RMND5A: variants seen among roughly 807,000 people sequenced by gnomAD.
RMND5A encodes E3 ubiquitin-protein transferase RMND5A.
A neutral mutation model predicts 49.7 loss-of-function variants in RMND5A; 17 were observed. That is an observed-to-expected ratio of 0.34 (90% confidence interval 0.23 to 0.51). RMND5A has a LOEUF of 0.51. Among genes scored for constraint, RMND5A ranks in the 20% least tolerant of loss-of-function variants. The pLI is 0.96. For synonymous variants in RMND5A, 156 were observed against 167.7 expected (o/e 0.93, Z 0.54); for missense variants, 255 against 471.3 (o/e 0.54, Z 4.25).
chr2:86,762,701 ATATATATCATATATATCATATAT>A (rs1672522180), intron 4 of RMND5A, among the ~76,000 whole-genome samples: 1 of 5,504 alleles, frequency 1.8e-4, no homozygotes, highest in African/African-American at 7.5e-4. Context: ...CATATATATC[ATATATATCATATATATCATATAT>A]ATCATATATA....
intron 2 of RMND5A, among the ~76,000 whole-genome samples, chr2:86,747,100 C>G (rs1231761577): frequency 6.6e-6 from 1 of 152,080 alleles, no homozygotes; most frequent in African/African-American, 2.4e-5. Context: ...AAAATTTTCC[C>G]CTGAAGGGTT....
Position 86,773,460 on chromosome 2 carries a change from C to A in RMND5A, c.*49C>A. The A allele has an allele frequency of 8.3e-7, 1 of 1,199,528 alleles. No individual in the cohort carries two copies. Among genetic ancestry groups the A allele is most frequent in the Non-Finnish European group, 1.2e-6 (1 of 803,260 alleles). 74.3% of individuals were successfully genotyped at this position (1,199,528 alleles called of 1,614,324 possible). A position where few individuals can be genotyped will look rare whatever the true frequency, so the allele number is the denominator to read the frequency against. ...TGTAAGTGAAACTGAATCGTGGGTGCATTTCAGAAGAGAACGTTCCATATA... is the reference window on the plus strand; with the variant it reads ...TGTAAGTGAAACTGAATCGTGGGTGAATTTCAGAAGAGAACGTTCCATATA... On this transcript the variant is annotated 3_prime_UTR_variant, in exon 9 of 9. Transcript: ENST00000283632.
chr2:86,769,323 A>G (rs1328347484), intron 6 of RMND5A, among the ~76,000 whole-genome samples: 1 of 152,210 alleles, frequency 6.6e-6, no homozygotes, highest in Non-Finnish European at 1.5e-5. Context: ...GTAAATCAGC[A>G]CCATCTGCAG....
At chr2:86,742,328 C>T (rs1558720207) in intron 2 of RMND5A, among the ~76,000 whole-genome samples, 3 of 151,948 alleles carry the variant, frequency 2.0e-5, no homozygotes, top group Admixed American at 6.6e-5. Context: ...GAGATTGTGA[C>T]TGGGGAGATT....
At chr2:86,743,618 C>T (rs1217704737) in intron 2 of RMND5A, among the ~76,000 whole-genome samples, 1 of 151,926 alleles carries the variant, frequency 6.6e-6, no homozygotes, top group African/African-American at 2.4e-5. Context: ...AAAATTGTTT[C>T]ATGTTCCTGT....
At chr2:86,743,202 A>G (rs1329388686) in intron 2 of RMND5A, among the ~76,000 whole-genome samples, 1 of 152,120 alleles carries the variant, frequency 6.6e-6, no homozygotes, top group Non-Finnish European at 1.5e-5. Context: ...CATTATCTGG[A>G]TGTACTTGGT....
intron 3 of RMND5A, among the ~76,000 whole-genome samples, chr2:86,753,095 G>A (rs1169747356): frequency 6.6e-6 from 1 of 152,174 alleles, no homozygotes; most frequent in Non-Finnish European, 1.5e-5. Flanking sequence ...TTAGCACCTT[G>A]TACCTCTGTT....
intron 6 of RMND5A, 145 bp downstream of exon 6, chr2:86,766,169 T>C: frequency 4.1e-6 from 3 of 730,366 alleles, no homozygotes; most frequent in South Asian, 3.6e-5. Flanking sequence ...GATATCACAA[T>C]TGGCAGTGAT....
At chr2:86,753,282 G>T (rs1345769543) in intron 3 of RMND5A, among the ~76,000 whole-genome samples, 176 bp from the exon 4 acceptor site, 1 of 152,086 alleles carries the variant, frequency 6.6e-6, no homozygotes, top group African/African-American at 2.4e-5. Flanking sequence ...TGAAATTTGG[G>T]GATTCTACTA....
At chr2:86,758,962 C>G (rs1039103113) in intron 4 of RMND5A, among the ~76,000 whole-genome samples, 1 of 152,054 alleles carries the variant, frequency 6.6e-6, no homozygotes, top group South Asian at 2.1e-4. Context: ...TCATTCATTC[C>G]CCTGAACTTC....
chr2:86,771,497 A>T, intron 7 of RMND5A, 61 bp from the exon 8 acceptor site: 1 of 1,457,720 alleles, frequency 6.9e-7, no homozygotes. Context: ...GTATATTACC[A>T]TGTGGATGGT....
At chr2:86,762,671 TATATATATCATATATATATC>T (rs1174516127) in intron 4 of RMND5A, among the ~76,000 whole-genome samples, 7 of 135,808 alleles carry the variant, frequency 5.2e-5, no homozygotes, top group South Asian at 2.3e-4. Flanking sequence ...TTTTTATATA[TATATATATCATATATATATC>T]ATATATATCA....
intron 4 of RMND5A, among the ~76,000 whole-genome samples, chr2:86,760,620 G>A (rs1278071719): frequency 6.6e-6 from 1 of 152,164 alleles, no homozygotes; most frequent in East Asian, 1.9e-4. Flanking sequence ...TTACTCTCAG[G>A]CAACAGCTGT....
At chr2:86,767,949 A>G (rs1466892650) in intron 6 of RMND5A, among the ~76,000 whole-genome samples, 2 of 152,212 alleles carry the variant, frequency 1.3e-5, no homozygotes, top group African/African-American at 4.8e-5. Context: ...AGTAAACTAT[A>G]AGAATCCAGC....
chr2:86,745,577 T>C (rs1160333017), intron 2 of RMND5A, among the ~76,000 whole-genome samples: 3 of 152,096 alleles, frequency 2.0e-5, no homozygotes, highest in South Asian at 2.1e-4. Flanking sequence ...GAAAGGTAAA[T>C]GATGGAAGGC....
At chr2:86,747,169 C>T (rs184705893) in intron 2 of RMND5A, among the ~76,000 whole-genome samples, 1 of 152,306 alleles carries the variant, frequency 6.6e-6, no homozygotes, top group East Asian at 1.9e-4. Flanking sequence ...TCATTTCTCA[C>T]CTATACCTGG....
intron 2 of RMND5A, among the ~76,000 whole-genome samples, chr2:86,747,619 G>A (rs769794012): frequency 6.6e-6 from 1 of 152,152 alleles, no homozygotes; most frequent in Non-Finnish European, 1.5e-5. Flanking sequence ...AGATGGAGAA[G>A]TTTCAAAATA....
At chr2:86,772,958 T>C (rs569383158) in intron 8 of RMND5A, among the ~76,000 whole-genome samples, 2 of 152,324 alleles carry the variant, frequency 1.3e-5, no homozygotes, top group Non-Finnish European at 2.9e-5. Flanking sequence ...TGTGGGCTTG[T>C]AGCTGCCATC....
Position 86,751,988 on chromosome 2 carries a change from C to A in RMND5A, c.378C>A (p.Phe126Leu). Residue 126 changes from phenylalanine (F) to leucine (L), a missense_variant, in exon 3 of 9, where the codon TTC becomes TTA. Around this residue, in one of 3 missense-constraint regions of RMND5A, gnomAD observed 208 missense variants for 339.8 expected, o/e 0.61. Coordinates refer to ENST00000283632, the MANE Select transcript of RMND5A (RefSeq NM_022780.4). ...TCAATGAGGTGATGGTGGAGCACTT[C>A]TTTCGACAAGGAATGCTGGATGTGG... ...RLLNEVMVEH[F>L]FRQGMLDVAE... 1 of 1,613,982 alleles carries A rather than the reference C, an allele frequency of 6.2e-7. No individual in the cohort carries two copies.
Sources: allele counts gnomAD v4.1 joint callset (sites outside exome capture counted in the v4.1 genomes callset), GRCh38; gene constraint gnomAD v4.1.1; regional missense constraint gnomAD v4.1.1; transcripts MANE v1.5; gene names NCBI Gene and HGNC (gene_info 2026-07-23, HGNC 2026-07-21).